NME7: variants seen among roughly 807,000 people sequenced by gnomAD.
NME7 encodes the protein NME/NM23 family member 7.
Under a neutral mutation model 49.1 loss-of-function variants are expected in NME7, and 41 were observed. That is an observed-to-expected ratio of 0.83 (90% CI 0.65 to 1.08). The LOEUF (loss-of-function observed/expected upper bound fraction) is 1.08. NME7 is among the 50% of genes least tolerant of loss of function. NME7 has a pLI of 0.00. For missense variants in NME7, 423 were observed against 463.4 expected, an observed-to-expected ratio of 0.91 and a Z score of 0.80; for synonymous variants, 139 against 150.6, an observed-to-expected ratio of 0.92 and a Z score of 0.56.
intron 7 of NME7, chr1:169,246,874 T>C: frequency 2.7e-6 from 1 of 365,662 alleles, no homozygotes; most frequent in Non-Finnish European, 5.3e-6. Flanking sequence ...CCACTGCATC[T>C]GGTCCAGTAT....
At chr1:169,162,619 G>T (rs1327201322) in intron 11 of NME7, among the ~76,000 whole-genome samples, 1 of 152,018 alleles carries the variant, frequency 6.6e-6, no homozygotes, top group Non-Finnish European at 1.5e-5. Context: ...TAAGGCTGGA[G>T]AATTGCTCAA....
chr1:169,342,924 T>C (rs1028792273), intron 1 of NME7, among the ~76,000 whole-genome samples: 1 of 114,658 alleles, frequency 8.7e-6, no homozygotes, highest in Non-Finnish European at 1.7e-5. Flanking sequence ...TATATATATA[T>C]ATACAAGTAC....
intron 1 of NME7, among the ~76,000 whole-genome samples, chr1:169,336,446 T>C (rs1249162008): frequency 6.6e-6 from 1 of 152,156 alleles, no homozygotes; most frequent in Non-Finnish European, 1.5e-5. Flanking sequence ...AGGGCACTGA[T>C]TGGTGTGTTT....
chr1:169,364,542 G>A (rs1015986844), intron 1 of NME7, among the ~76,000 whole-genome samples: 1 of 151,584 alleles, frequency 6.6e-6, no homozygotes, highest in African/African-American at 2.4e-5. Flanking sequence ...CACCGCACCT[G>A]ACTCGACTCA....
rs1481048551 is a variant in NME7, at chr1:169,301,397, G to T, written c.440+1748C>A. 4.6e-5 allele frequency among the ~76,000 whole-genome samples: 7 copies of T among 152,052 alleles called. No individual in the cohort carries two copies. In the East Asian group the frequency reaches 1.3e-3, roughly 29 times the overall value. ...GATACCATTTCACACCAGTCAGAAT[G>T]GTTATTATTAAAAAGTCAAAAAATA... On this transcript the variant is annotated intron_variant, in intron 5 of 11. Transcript: ENST00000367811.
intron 5 of NME7, among the ~76,000 whole-genome samples, chr1:169,299,390 A>C (rs1650840964): frequency 6.6e-6 from 1 of 152,204 alleles, no homozygotes; most frequent in African/African-American, 2.4e-5. Context: ...CTAAAAATCC[A>C]GCACTGAGTC....
In NME7 at chr1:169,156,468, T is replaced by C. The variant is rs1226636894; in HGVS notation, c.1098+12979A>G. Among the ~76,000 whole-genome samples the C allele has an allele frequency of 1.3e-5, 2 of 152,178 alleles. 1 individual carries two copies. The highest frequency in any genetic ancestry group is 2.9e-5 in the Non-Finnish European group (2 of 68,034). On this transcript the variant is annotated intron_variant, in intron 11 of 11. Coordinates refer to ENST00000367811, the MANE Select transcript of NME7 (RefSeq NM_013330.5). ...GTAAGGTCACTTTTAGTCCAATGAT[T>C]GTGTCTATTTATTTTATATGGATTT...
chr1:169,215,077 G>A (rs774850417), intron 10 of NME7, among the ~76,000 whole-genome samples: 43 of 152,300 alleles, frequency 2.8e-4, no homozygotes, highest in Middle Eastern at 6.8e-3. Context: ...TGGTGAATGC[G>A]GATAATTTCA....
chr1:169,322,807 G>C (rs536124046), intron 3 of NME7, among the ~76,000 whole-genome samples: 1 of 151,972 alleles, frequency 6.6e-6, no homozygotes, highest in Non-Finnish European at 1.5e-5. Flanking sequence ...GTGGAAAAAG[G>C]AAAGAATAGA....
In NME7 at chr1:169,235,117, A is replaced by G; in HGVS notation, c.888+14T>C. ...TTAACAGTACAAATGTTTTACATTT[A>G]CTTTTATACTTACATGATATTCGGT... On this transcript the variant is annotated intron_variant, in intron 9 of 11. Coordinates refer to ENST00000367811, the MANE Select transcript of NME7 (RefSeq NM_013330.5). 7.1e-7 allele frequency: 1 copy of G among 1,412,550 alleles called. No individual in the cohort carries two copies. The highest frequency in any genetic ancestry group is 1.2e-5 in the South Asian group (1 of 80,034). 87.5% of individuals were successfully genotyped at this position (1,412,550 alleles called of 1,614,324 possible). A position where few individuals can be genotyped will look rare whatever the true frequency, so the allele number is the denominator to read the frequency against.
intron 11 of NME7, among the ~76,000 whole-genome samples, chr1:169,167,351 T>C (rs1659445601): frequency 6.6e-6 from 1 of 151,904 alleles, no homozygotes; most frequent in Admixed American, 6.6e-5. Flanking sequence ...AGGACATAAT[T>C]TTTTTTTAAA....
chr1:169,355,326 AATATATTGTATATTATATTAT>A (rs1557837918), intron 1 of NME7, among the ~76,000 whole-genome samples: 1 of 97,782 alleles, frequency 1.0e-5, no homozygotes, highest in African/African-American at 3.8e-5. Context: ...TATTATATAT[AATATATTGTATATTATATTAT>A]ATATATTAAA....
chr1:169,253,679 G>T (rs988608649), intron 7 of NME7, among the ~76,000 whole-genome samples: 1 of 152,180 alleles, frequency 6.6e-6, no homozygotes, highest in African/African-American at 2.4e-5. Flanking sequence ...TGCCCATTCA[G>T]TATGATACTG....
At chr1:169,148,615 C>A (rs1418939106) in intron 11 of NME7, among the ~76,000 whole-genome samples, 2 of 152,198 alleles carry the variant, frequency 1.3e-5, no homozygotes, top group Non-Finnish European at 2.9e-5. Flanking sequence ...CTTATTAACT[C>A]AAAAACTGCT....
intron 2 of NME7, among the ~76,000 whole-genome samples, chr1:169,324,150 C>T (rs1265937030): frequency 6.6e-6 from 1 of 151,962 alleles, no homozygotes; most frequent in Non-Finnish European, 1.5e-5. Flanking sequence ...GCACCGCGCC[C>T]AGCCCCCACT....
chr1:169,292,023 C>T (rs1553253723), intron 6 of NME7, among the ~76,000 whole-genome samples: 2 of 151,924 alleles, frequency 1.3e-5, no homozygotes, highest in East Asian at 1.9e-4. Flanking sequence ...CACAACAAAT[C>T]GCTGAAATTG....
At chr1:169,206,295 T>A (rs1007634148) in intron 10 of NME7, among the ~76,000 whole-genome samples, 2 of 152,196 alleles carry the variant, frequency 1.3e-5, no homozygotes, top group African/African-American at 4.8e-5. Flanking sequence ...CAGAAAATAT[T>A]TGATGAATTA....
intron 10 of NME7, among the ~76,000 whole-genome samples, chr1:169,184,773 T>G (rs544266084): frequency 1.3e-5 from 2 of 152,172 alleles, no homozygotes; most frequent in Admixed American, 1.3e-4. Context: ...GTCAGACATG[T>G]TAATAAACAG....
chr1:169,278,187 G>A (rs1221291301), intron 7 of NME7, among the ~76,000 whole-genome samples: 2 of 149,092 alleles, frequency 1.3e-5, no homozygotes, highest in Admixed American at 6.7e-5. Context: ...TTCTCGAGGA[G>A]TATCTTTGTG....
Sources: allele counts gnomAD v4.1 joint callset (sites outside exome capture counted in the v4.1 genomes callset), GRCh38; gene constraint gnomAD v4.1.1; transcripts MANE v1.5; gene names NCBI Gene and HGNC (gene_info 2026-07-23, HGNC 2026-07-21).